SNX29: variants seen among roughly 807,000 people sequenced by gnomAD.
The protein encoded by SNX29 is sorting nexin 29.
A neutral mutation model predicts 102.1 loss-of-function variants in SNX29; 78 were observed. The ratio of observed to expected loss-of-function variants is 0.76; its 90% CI spans 0.64 to 0.92. The LOEUF (loss-of-function observed/expected upper bound fraction) is 0.92. SNX29 is among the 40% of genes least tolerant of loss of function. The pLI is 0.00. For missense variants in SNX29, 1,280 were observed against 1,061.7 expected, an observed-to-expected ratio of 1.21 and a Z score of -2.86; for synonymous variants, 580 against 414.5, an observed-to-expected ratio of 1.40 and a Z score of -4.85.
At chr16:12,278,058 T>C (rs12448443) in intron 15 of SNX29, 22 bp downstream of exon 15, 920,235 of 1,568,638 alleles carry the variant, frequency 0.59, 275,489 homozygotes, top group African/African-American at 0.73. Context: ...GGAGTCTGTG[T>C]GTCTTTGTTT....
intron 20 of SNX29, among the ~76,000 whole-genome samples, chr16:12,538,616 C>T (rs373980594): frequency 6.6e-6 from 1 of 152,076 alleles, no homozygotes; most frequent in African/African-American, 2.4e-5. Context: ...GCAGGAGGGC[C>T]TTGACTAGGA....
intron 19 of SNX29, chr16:12,515,556 C>G (rs1434067676): frequency 4.1e-6 from 2 of 492,346 alleles, no homozygotes; most frequent in South Asian, 3.1e-5. Flanking sequence ...CCTTGCTGGC[C>G]TCTCTGCTTC....
At chr16:11,983,785 A>C (rs1178417414) in intron 1 of SNX29, 1 of 826,804 alleles carries the variant, frequency 1.2e-6, no homozygotes. Context: ...AGATTTCTCC[A>C]AATTGTGGCA....
At chr16:12,067,174 C>A (rs917266793) in intron 9 of SNX29, among the ~76,000 whole-genome samples, 1 of 151,858 alleles carries the variant, frequency 6.6e-6, no homozygotes, top group Non-Finnish European at 1.5e-5. Flanking sequence ...GACAGGAAAA[C>A]CCTGCCTCTA....
rs765197049 is a variant in SNX29, at chr16:12,344,949, GTT to G, written c.1783-11211_1783-11210del. Among the ~76,000 whole-genome samples the G allele has an allele frequency of 6.6e-5, 10 of 152,358 alleles. 1 individual carries two copies. Among genetic ancestry groups the G allele is most frequent in the Non-Finnish European group, 1.0e-4 (7 of 68,040 alleles). On this transcript the variant is annotated intron_variant, in intron 15 of 20. Transcript: ENST00000566228. ...TTTCACAGGCCTAGCCGAGCACCAT[GTT>G]TTGTGCTTGTGATGGAACTATAATT...
intron 18 of SNX29, among the ~76,000 whole-genome samples, chr16:12,430,852 CT>C (rs56349621): frequency 0.012 from 1,622 of 139,050 alleles, 20 homozygotes; most frequent in African/African-American, 0.035. Flanking sequence ...TTGACGCAGT[CT>C]TTTTTTTTTT....
At chr16:12,467,619 C>CGTTCGTTT (rs147406133) in intron 18 of SNX29, among the ~76,000 whole-genome samples, 1 of 143,648 alleles carries the variant, frequency 7.0e-6, no homozygotes, top group Admixed American at 6.8e-5. Flanking sequence ...TTTGTTCGTT[C>CGTTCGTTT]GTTAGTTCGT....
At chr16:12,360,557 G>C (rs2082272765) in intron 16 of SNX29, among the ~76,000 whole-genome samples, 1 of 152,104 alleles carries the variant, frequency 6.6e-6, no homozygotes, top group African/African-American at 2.4e-5. Flanking sequence ...GCTCATAAAT[G>C]TTGGTCTAGG....
chr16:12,309,705 T>C (rs964282578), intron 15 of SNX29, among the ~76,000 whole-genome samples: 2 of 152,172 alleles, frequency 1.3e-5, no homozygotes, highest in African/African-American at 4.8e-5. Flanking sequence ...TTACTTGAAG[T>C]GAATGTGTTC....
chr16:12,223,968 C>G (rs76311980), intron 14 of SNX29, among the ~76,000 whole-genome samples: 6,382 of 152,188 alleles, frequency 0.042, 463 homozygotes, highest in African/African-American at 0.15. Context: ...CTCATTGAAG[C>G]CCATGTGGAT....
At chr16:12,567,637 C>A (rs966763429) in intron 20 of SNX29, among the ~76,000 whole-genome samples, 1 of 152,168 alleles carries the variant, frequency 6.6e-6, no homozygotes, top group African/African-American at 2.4e-5. Flanking sequence ...TGGCTAGTAC[C>A]TATAGTCCCA....
chr16:12,232,377 A>G (rs182855903), intron 14 of SNX29, among the ~76,000 whole-genome samples: 1 of 152,304 alleles, frequency 6.6e-6, no homozygotes, highest in African/African-American at 2.4e-5. Flanking sequence ...AAATACAAAA[A>G]TTAGCTGGAC....
chr16:12,326,088 C>T lies in SNX29; in HGVS notation c.1783-30075C>T, dbSNP rs531044867. Among the ~76,000 whole-genome samples the T allele has an allele frequency of 9.1e-4, 138 of 151,822 alleles. 1 individual carries two copies. The highest frequency in any genetic ancestry group is 3.0e-3 in the African/African-American group (123 of 41,492). On this transcript the variant is annotated intron_variant, in intron 15 of 20. Coordinates refer to ENST00000566228, the MANE Select transcript of SNX29 (RefSeq NM_032167.5). Reference sequence around the variant, plus strand: ...GTGCCCAGGCTGGAGTGCAGTGGTGCGATCTTGGCTCACTGCAACCTCTGC... The same window carrying T: ...GTGCCCAGGCTGGAGTGCAGTGGTGTGATCTTGGCTCACTGCAACCTCTGC...
intron 19 of SNX29, among the ~76,000 whole-genome samples, chr16:12,509,530 C>G (rs555356939): frequency 6.4e-4 from 98 of 152,336 alleles, no homozygotes; most frequent in African/African-American, 2.2e-3. Context: ...CGTATCCTGT[C>G]TTTGGGTCCC....
Position 12,568,674 on chromosome 16 carries a change from G to T in SNX29, c.*45G>T. On this transcript the variant is annotated 3_prime_UTR_variant, in exon 21 of 21. Transcript: ENST00000566228. Reference sequence around the variant, plus strand: ...ACGGGCCCTGTGCGTGGCACCAGCTGCGTCCACCCCAGCCACTGCCGCTGG... The same window carrying T: ...ACGGGCCCTGTGCGTGGCACCAGCTTCGTCCACCCCAGCCACTGCCGCTGG... 1 of 1,589,418 alleles carries T rather than the reference G, an allele frequency of 6.3e-7. No homozygotes were observed. The highest frequency in any genetic ancestry group is 1.1e-5 in the South Asian group (1 of 90,244).
chr16:12,025,363 A>G (rs1356045378), intron 3 of SNX29, among the ~76,000 whole-genome samples: 1 of 151,224 alleles, frequency 6.6e-6, no homozygotes, highest in Non-Finnish European at 1.5e-5. Context: ...GCACATCTAT[A>G]ATAATTAAGA....
intron 18 of SNX29, among the ~76,000 whole-genome samples, chr16:12,405,662 C>G (rs2084130762): frequency 6.6e-6 from 1 of 152,224 alleles, no homozygotes. Context: ...CATGTTTTTA[C>G]TTTATATAAA....
chr16:12,535,425 C>G (rs28565147), intron 20 of SNX29, among the ~76,000 whole-genome samples: 1 of 152,182 alleles, frequency 6.6e-6, no homozygotes, highest in Non-Finnish European at 1.5e-5. Flanking sequence ...AGCCACTGCG[C>G]CTGGCCAGCT....
chr16:12,098,474 C>T lies in SNX29; in HGVS notation c.1402+19559C>T, dbSNP rs1195593201. ...CCACTTGCAGTGGCCACCGCGTGCC[C>T]TTTGATGGGACGTTACATTGCATTT... is the stretch of plus-strand genomic sequence containing the variant. On this transcript the variant is annotated intron_variant, in intron 11 of 20. Transcript: ENST00000566228. The surrounding 1 kb of genome is among the most constrained non-coding windows in gnomAD (Gnocchi z 6.0). Among the ~76,000 whole-genome samples the T allele has an allele frequency of 6.6e-6, 1 of 152,186 alleles. No individual in the cohort carries two copies. Among genetic ancestry groups the T allele is most frequent in the South Asian group, 2.1e-4 (1 of 4,830 alleles).
Sources: allele counts gnomAD v4.1 joint callset (sites outside exome capture counted in the v4.1 genomes callset), GRCh38; gene constraint gnomAD v4.1.1; non-coding constraint Gnocchi (gnomAD v3.1); transcripts MANE v1.5; gene names NCBI Gene and HGNC (gene_info 2026-07-23, HGNC 2026-07-21).